Variants in PCDHA2 observed in about 807,000 individuals in gnomAD.
PCDHA2 encodes the protein protocadherin alpha-2.
A neutral mutation model predicts 66.0 loss-of-function variants in PCDHA2; 58 were observed. The observed-to-expected ratio is 0.88, with a 90% CI of 0.71 to 1.09. The LOEUF is 1.09. PCDHA2 is among the 50% of genes least tolerant of loss of function. The pLI, the probability that PCDHA2 is intolerant of heterozygous loss-of-function variation, is 0.00. For missense variants in PCDHA2, 1,267 were observed against 1,242.3 expected (o/e 1.02, Z -0.30); for synonymous variants, 634 against 554.0 (o/e 1.14, Z -2.03).
intron 1 of PCDHA2, among the ~76,000 whole-genome samples, chr5:140,820,724 C>G (rs926082554): frequency 6.6e-6 from 1 of 151,900 alleles, no homozygotes; most frequent in Admixed American, 6.6e-5. Context: ...TTACTGGAAC[C>G]TAAACATTTT....
rs185115696 is a variant in PCDHA2, at chr5:140,899,982, A to G, written c.2389-78967A>G. Among the ~76,000 whole-genome samples the G allele has an allele frequency of 7.7e-3, 1,166 of 150,716 alleles. 5 individuals carry two copies. The highest frequency in any genetic ancestry group is 0.018 in the African/African-American group (738 of 41,016). On this transcript the variant is annotated intron_variant, in intron 1 of 3. Coordinates refer to ENST00000526136, the MANE Select transcript of PCDHA2 (RefSeq NM_018905.3). Reference sequence around the variant, plus strand: ...GCTGCCATGCCCAGCTACTTTTTTGATTTTTTTTGTAGAGATGAGGTCTCA... The same window carrying G: ...GCTGCCATGCCCAGCTACTTTTTTGGTTTTTTTTGTAGAGATGAGGTCTCA...
chr5:140,809,368 C>T (rs1554125167), intron 1 of PCDHA2: 1 of 1,613,988 alleles, frequency 6.2e-7, no homozygotes, highest in Non-Finnish European at 8.5e-7. Context: ...CTGCGCTGCC[C>T]ACCGAGGGCG....
At chr5:140,878,906 C>T (rs1320249788) in intron 1 of PCDHA2, among the ~76,000 whole-genome samples, 2 of 152,210 alleles carry the variant, frequency 1.3e-5, no homozygotes, top group African/African-American at 4.8e-5. Flanking sequence ...CAGGCTCCAC[C>T]ACTCCCAGCT....
chr5:140,907,239 C>A (rs1447900433), intron 1 of PCDHA2, among the ~76,000 whole-genome samples: 1 of 152,200 alleles, frequency 6.6e-6, no homozygotes, highest in African/African-American at 2.4e-5. Flanking sequence ...ACCTAGTTGA[C>A]ATTGTAATTG....
At chr5:140,869,267 A>G in intron 1 of PCDHA2, 1 of 1,613,490 alleles carries the variant, frequency 6.2e-7, no homozygotes, top group South Asian at 1.1e-5. Flanking sequence ...CTGGGGCTGG[A>G]GCTGGCGGAG....
In PCDHA2 at chr5:140,983,247, G is replaced by A. The variant is rs112993813; in HGVS notation, c.2536+684G>A. ...ACTTTCAGGAAAGAGAACCTGCTAA[G>A]TTGTGTAAAAAACCTAATGGCTGGG... On this transcript the variant is annotated intron_variant, in intron 3 of 3. Coordinates refer to ENST00000526136, the MANE Select transcript of PCDHA2 (RefSeq NM_018905.3). Among the ~76,000 whole-genome samples the A allele has an allele frequency of 9.0e-3, 1,377 of 152,306 alleles. 16 individuals are homozygous for A. The highest frequency in any genetic ancestry group is 0.043 in the East Asian group (224 of 5,190).
At chr5:140,998,055 T>C (rs2097794971) in intron 3 of PCDHA2, among the ~76,000 whole-genome samples, 1 of 152,190 alleles carries the variant, frequency 6.6e-6, no homozygotes, top group Non-Finnish European at 1.5e-5. Flanking sequence ...AGTGACATCA[T>C]CATCAACAGA....
Position 140,845,987 on chromosome 5 carries a change from T to C in PCDHA2, c.2388+48635T>C, listed in dbSNP as rs1259118167. 7.3e-5 allele frequency among the ~76,000 whole-genome samples: 11 copies of C among 149,774 alleles called. 1 individual carries two copies. Among genetic ancestry groups the C allele is most frequent in the Admixed American group, 4.7e-4 (7 of 14,964 alleles). On this transcript the variant is annotated intron_variant, in intron 1 of 3. Coordinates refer to ENST00000526136, the MANE Select transcript of PCDHA2 (RefSeq NM_018905.3). ...TAGGATGTTTCAATATTTTGAATGT[T>C]GTGTGGTGGAATGAAAAAAATCTAA...
At chr5:141,001,097 T>TC (rs1554257999) in intron 3 of PCDHA2, among the ~76,000 whole-genome samples, 1 of 152,114 alleles carries the variant, frequency 6.6e-6, no homozygotes, top group Non-Finnish European at 1.5e-5. Flanking sequence ...AACTGTCTAA[T>TC]CCATAATAAG....
chr5:141,004,461 A>C (rs1160733381), intron 3 of PCDHA2, among the ~76,000 whole-genome samples: 1 of 152,216 alleles, frequency 6.6e-6, no homozygotes, highest in Non-Finnish European at 1.5e-5. Context: ...CAGGAAGCTC[A>C]GTGACATGTT....
intron 1 of PCDHA2, among the ~76,000 whole-genome samples, chr5:140,949,007 A>T (rs1300926078): frequency 6.6e-6 from 1 of 151,692 alleles, no homozygotes; most frequent in Non-Finnish European, 1.5e-5. Flanking sequence ...TAATTTTTAT[A>T]TGTGATGTTT....
At chr5:140,840,258 A>T (rs1776629657) in intron 1 of PCDHA2, among the ~76,000 whole-genome samples, 1 of 151,990 alleles carries the variant, frequency 6.6e-6, no homozygotes, top group South Asian at 2.1e-4. Context: ...AAAAATTGTG[A>T]TTTTTTAATG....
At chr5:140,926,693 C>T (rs576013331) in intron 1 of PCDHA2, 12 of 742,944 alleles carry the variant, frequency 1.6e-5, no homozygotes, top group African/African-American at 9.2e-5. Context: ...CTAGCAAGCC[C>T]GGCTCCCAGC....
intron 3 of PCDHA2, among the ~76,000 whole-genome samples, chr5:140,998,223 G>A (rs1554256200): frequency 6.6e-6 from 1 of 152,140 alleles, no homozygotes; most frequent in Non-Finnish European, 1.5e-5. Context: ...ACCACACCCA[G>A]AAATTTGTGC....
chr5:140,979,125 C>T (rs782380399), intron 2 of PCDHA2, 118 bp downstream of exon 2: 4 of 1,479,726 alleles, frequency 2.7e-6, no homozygotes, highest in African/African-American at 2.8e-5. Context: ...GGTACTTTGC[C>T]AGGAAAATGC....
chr5:140,806,637 G>A (rs1763761859), intron 1 of PCDHA2, among the ~76,000 whole-genome samples: 1 of 111,056 alleles, frequency 9.0e-6, no homozygotes, highest in Admixed American at 9.2e-5. Flanking sequence ...GAAATACTAG[G>A]GTGAAGAGGG....
chr5:140,857,073 A>G (rs782238591), intron 1 of PCDHA2: 1 of 1,596,904 alleles, frequency 6.3e-7, no homozygotes, highest in East Asian at 2.2e-5. Context: ...CTACTGGATG[A>G]AAATGATAAT....
chr5:140,835,503 G>C (rs1554135018), intron 1 of PCDHA2: 1 of 1,613,792 alleles, frequency 6.2e-7, no homozygotes, highest in East Asian at 2.2e-5. Flanking sequence ...ATTGATTAGC[G>C]TGTTTGACCG....
intron 1 of PCDHA2, chr5:140,858,148 C>A: frequency 6.3e-7 from 1 of 1,597,640 alleles, no homozygotes; most frequent in Non-Finnish European, 8.6e-7. Context: ...ACCTGATCAT[C>A]GCCATCTGCG....
Sources: allele counts gnomAD v4.1 joint callset (sites outside exome capture counted in the v4.1 genomes callset), GRCh38; gene constraint gnomAD v4.1.1; transcripts MANE v1.5; gene names NCBI Gene and HGNC (gene_info 2026-07-23, HGNC 2026-07-21).